PRORP: variants seen among roughly 807,000 people sequenced by gnomAD.
PRORP encodes the protein protein only RNase P catalytic subunit.
Under a neutral mutation model 59.4 loss-of-function variants are expected in PRORP, and 51 were observed. The ratio of observed to expected loss-of-function variants is 0.86; its 90% CI spans 0.69 to 1.08. The LOEUF is 1.08. Ranked by LOEUF, PRORP falls within the 50% of genes least tolerant of loss-of-function variation. The pLI is 0.00. For synonymous variants in PRORP, 231 were observed against 245.6 expected (o/e 0.94, Z 0.55); for missense variants, 646 against 690.3 (o/e 0.94, Z 0.72).
At chr14:35,235,791 C>T (rs984282176) in intron 5 of PRORP, 3 of 167,582 alleles carry the variant, frequency 1.8e-5, no homozygotes, top group South Asian at 1.5e-4. Flanking sequence ...ACTAGCCAGG[C>T]GTGGTGGCTC....
chr14:35,162,761 A>C (rs749656513), intron 4 of PRORP, among the ~76,000 whole-genome samples: 9 of 151,534 alleles, frequency 5.9e-5, no homozygotes, highest in Non-Finnish European at 8.9e-5. Context: ...TGCTCCCTTC[A>C]CTTTTGTTGT....
At chr14:35,187,935 C>T (rs1387940082) in intron 5 of PRORP, among the ~76,000 whole-genome samples, 2 of 151,100 alleles carry the variant, frequency 1.3e-5, no homozygotes, top group African/African-American at 2.4e-5. Context: ...ACTACAACCT[C>T]CACCTCCTGG....
chr14:35,240,136 G>A (rs2050324733), intron 5 of PRORP, among the ~76,000 whole-genome samples: 1 of 151,456 alleles, frequency 6.6e-6, no homozygotes, highest in African/African-American at 2.4e-5. Context: ...TAGGAATGTT[G>A]TACTGATTGG....
At chr14:35,165,335 T>C (rs1216746169) in intron 4 of PRORP, among the ~76,000 whole-genome samples, 1 of 152,146 alleles carries the variant, frequency 6.6e-6, no homozygotes, top group Non-Finnish European at 1.5e-5. Context: ...AATGAACTTC[T>C]GGGTTTTGAA....
chr14:35,248,760 C>T (rs1049235292), intron 5 of PRORP, among the ~76,000 whole-genome samples: 7 of 152,226 alleles, frequency 4.6e-5, no homozygotes, highest in Non-Finnish European at 4.4e-5. Flanking sequence ...TTGAGAAATA[C>T]AGTGTCACTC....
At chr14:35,196,489 C>T (rs112234229) in intron 5 of PRORP, among the ~76,000 whole-genome samples, 2 of 152,114 alleles carry the variant, frequency 1.3e-5, no homozygotes, top group South Asian at 2.1e-4. Flanking sequence ...AGAGTGAGAC[C>T]CTGTCTCAGA....
intron 5 of PRORP, chr14:35,235,160 T>C: frequency 1.6e-6 from 1 of 619,886 alleles, no homozygotes; most frequent in South Asian, 1.4e-5. Context: ...TACAGAAAAC[T>C]CAACAGTGTA....
At chr14:35,236,121 A>G (rs11846194) in intron 5 of PRORP, among the ~76,000 whole-genome samples, 7,219 of 147,668 alleles carry the variant, frequency 0.049, 329 homozygotes, top group Admixed American at 0.14. Flanking sequence ...AAAAAAAAGC[A>G]TAAGGAAACT....
chr14:35,264,718 C>T (rs557478712), intron 5 of PRORP, among the ~76,000 whole-genome samples: 12 of 152,310 alleles, frequency 7.9e-5, no homozygotes, highest in African/African-American at 2.6e-4. Flanking sequence ...CAGTGGCTCA[C>T]GCCTGTAATC....
At chr14:35,267,022 C>G (rs1168032992) in intron 6 of PRORP, 147 bp downstream of exon 6, 3 of 774,680 alleles carry the variant, frequency 3.9e-6, no homozygotes, top group African/African-American at 1.8e-5. Flanking sequence ...AGACAACTTA[C>G]AAAACTACGG....
At chr14:35,140,268 A>G (rs1309894112) in intron 4 of PRORP, among the ~76,000 whole-genome samples, 5 of 144,176 alleles carry the variant, frequency 3.5e-5, no homozygotes, top group African/African-American at 1.2e-4. Context: ...AAACTGCCCA[A>G]CTGTTTTCCA....
intron 5 of PRORP, among the ~76,000 whole-genome samples, chr14:35,248,301 T>C (rs1170801536): frequency 6.6e-6 from 1 of 152,168 alleles, no homozygotes; most frequent in Non-Finnish European, 1.5e-5. Context: ...ATTAAATACT[T>C]TTAGATCTGT....
At chr14:35,144,146 C>A (rs2047551143) in intron 4 of PRORP, 1 of 152,478 alleles carries the variant, frequency 6.6e-6, no homozygotes, top group South Asian at 2.1e-4. Context: ...GTGTCACAGA[C>A]CTTCATATAG....
rs749397150 is a variant in PRORP, at chr14:35,130,804, A to AT, written c.1167+3205dup. 5.8e-3 allele frequency among the ~76,000 whole-genome samples: 841 copies of AT among 145,914 alleles called. 1 individual carries two copies. The highest frequency in any genetic ancestry group is 0.018 in the Middle Eastern group (5 of 284). ...CGGCCTATGTCCTTTTCTTTCTGCCATTTTTTTTTTTTAAATATAGAGACA... is the reference window on the plus strand; with the variant it reads ...CGGCCTATGTCCTTTTCTTTCTGCCATTTTTTTTTTTTTAAATATAGAGACA... On this transcript the variant is annotated intron_variant, in intron 4 of 7. Coordinates refer to ENST00000534898, the MANE Select transcript of PRORP (RefSeq NM_014672.4).
intron 5 of PRORP, among the ~76,000 whole-genome samples, chr14:35,246,855 T>G (rs1285740992): frequency 6.6e-6 from 1 of 152,184 alleles, no homozygotes; most frequent in Non-Finnish European, 1.5e-5. Context: ...CTTCTTTTCT[T>G]TTTTGCTCTT....
intron 5 of PRORP, among the ~76,000 whole-genome samples, chr14:35,262,307 C>T (rs1201803617): frequency 6.6e-6 from 1 of 152,138 alleles, no homozygotes; most frequent in Non-Finnish European, 1.5e-5. Flanking sequence ...CCACCAGACC[C>T]AGCCTATGTC....
At chr14:35,254,049 T>G (rs2050685530) in intron 5 of PRORP, among the ~76,000 whole-genome samples, 1 of 149,838 alleles carries the variant, frequency 6.7e-6, no homozygotes, top group Admixed American at 6.8e-5. Context: ...GGCCGCCTAC[T>G]AGATCTCTCC....
At chr14:35,161,921 T>C (rs1477259252) in intron 4 of PRORP, among the ~76,000 whole-genome samples, 1 of 152,174 alleles carries the variant, frequency 6.6e-6, no homozygotes, top group Non-Finnish European at 1.5e-5. Context: ...CATGCATCTT[T>C]AGCTCATGAT....
intron 4 of PRORP, among the ~76,000 whole-genome samples, chr14:35,156,854 TA>T (rs1327287172): frequency 6.6e-6 from 1 of 152,248 alleles, no homozygotes; most frequent in Non-Finnish European, 1.5e-5. Context: ...TAGGAATCAT[TA>T]GACTTAGGTG....
Sources: allele counts gnomAD v4.1 joint callset (sites outside exome capture counted in the v4.1 genomes callset), GRCh38; gene constraint gnomAD v4.1.1; transcripts MANE v1.5; gene names NCBI Gene and HGNC (gene_info 2026-07-23, HGNC 2026-07-21).